Variants in ATRNL1 observed in about 807,000 individuals in gnomAD.
ATRNL1 encodes the protein attractin like 1.
Under a neutral mutation model 182.7 loss-of-function variants are expected in ATRNL1, and 95 were observed. The observed-to-expected ratio is 0.52, with a 90% CI of 0.44 to 0.62. The LOEUF (loss-of-function observed/expected upper bound fraction) is 0.62, where lower values mean the gene tolerates loss of function less well. ATRNL1 is among the 20% of genes least tolerant of loss of function. ATRNL1 has a pLI of 0.00. For synonymous variants in ATRNL1, 576 were observed against 568.3 expected, an observed-to-expected ratio of 1.01 and a Z score of -0.19; for missense variants, 1,471 against 1,679.5, an observed-to-expected ratio of 0.88 and a Z score of 2.17.
chr10:115,640,050 T>C (rs980146404), intron 26 of ATRNL1, among the ~76,000 whole-genome samples: 1 of 152,118 alleles, frequency 6.6e-6, no homozygotes, highest in Non-Finnish European at 1.5e-5. Flanking sequence ...TTTCTTTTCC[T>C]GTGTTTGCTG....
In ATRNL1 at chr10:115,328,009, C is replaced by T. The variant is rs539450716; in HGVS notation, c.3038-6273C>T. Among the ~76,000 whole-genome samples, 10 of 151,880 alleles carry T rather than the reference C, an allele frequency of 6.6e-5. No homozygotes were observed. In the East Asian group the frequency reaches 7.8e-4, roughly 12 times the overall value. On this transcript the variant is annotated intron_variant, in intron 18 of 28. Coordinates refer to ENST00000355044, the MANE Select transcript of ATRNL1 (RefSeq NM_207303.4). Reference sequence around the variant, plus strand: ...CTAGATGACGAGTTAGTGGGTGCAGCGCACCAGCATGGCACATGTATACAT... The same window carrying T: ...CTAGATGACGAGTTAGTGGGTGCAGTGCACCAGCATGGCACATGTATACAT...
chr10:115,313,306 A>G (rs782331971), intron 17 of ATRNL1, among the ~76,000 whole-genome samples: 4 of 150,986 alleles, frequency 2.6e-5, no homozygotes, highest in Non-Finnish European at 4.4e-5. Context: ...TGCTTTTTTC[A>G]TTTCTTTTTT....
rs1029977021 is a variant in ATRNL1 at position 115,477,785 on chromosome 10, G to C, written c.3654+8456G>C. Among the ~76,000 whole-genome samples, 3 of 151,474 alleles carry C rather than the reference G, an allele frequency of 2.0e-5. No individual in the cohort carries two copies. In the East Asian group the frequency reaches 5.8e-4, roughly 30 times the overall value. ...CTGAAATCAGCATTTCCTTATTCTA[G>C]GAAAATAATATGACTATAAAATAAT... is the stretch of plus-strand genomic sequence containing the variant. On this transcript the variant is annotated intron_variant, in intron 24 of 28. Coordinates refer to ENST00000355044, the MANE Select transcript of ATRNL1 (RefSeq NM_207303.4).
At chr10:115,527,975 TCCCTCCCTCCCTCCCTCCCTC>T (rs1554987102) in intron 25 of ATRNL1, among the ~76,000 whole-genome samples, 60 of 16,258 alleles carry the variant, frequency 3.7e-3, no homozygotes, top group African/African-American at 0.02. Flanking sequence ...CCTCCCTCCT[TCCCTCCCTCCCTCCCTCCCTC>T]CCTTCCTTCC....
intron 26 of ATRNL1, among the ~76,000 whole-genome samples, chr10:115,612,731 A>G (rs1857230392): frequency 2.0e-5 from 3 of 152,126 alleles, no homozygotes; most frequent in Admixed American, 2.0e-4. Context: ...CAAGTAAGAG[A>G]CTTTCAGATG....
chr10:115,372,387 A>G lies in ATRNL1; in HGVS notation c.3176-22272A>G, dbSNP rs184985794. Among the ~76,000 whole-genome samples, 11 of 151,902 alleles carry G rather than the reference A, an allele frequency of 7.2e-5. No homozygotes were observed. In the East Asian group the frequency reaches 1.9e-3, roughly 27 times the overall value. On this transcript the variant is annotated intron_variant, in intron 19 of 28. Coordinates refer to ENST00000355044, the MANE Select transcript of ATRNL1 (RefSeq NM_207303.4). ...TAATTGGAAACAATCCCATTTGTCT[A>G]TATTTTTTTTGTCTATTTTTAAGCT...
intron 8 of ATRNL1, among the ~76,000 whole-genome samples, chr10:115,182,597 G>A (rs1397216887): frequency 1.3e-5 from 2 of 151,484 alleles, no homozygotes; most frequent in Admixed American, 6.6e-5. Flanking sequence ...CCAAATCTAT[G>A]CTTGATTTAG....
intron 8 of ATRNL1, among the ~76,000 whole-genome samples, chr10:115,214,326 ATAG>A (rs1417709102): frequency 1.3e-5 from 2 of 151,166 alleles, no homozygotes; most frequent in Non-Finnish European, 2.9e-5. Context: ...ATATATATAT[ATAG>A]TTAAGTGGTT....
intron 26 of ATRNL1, among the ~76,000 whole-genome samples, chr10:115,636,328 CAG>C (rs1555028131): frequency 6.6e-6 from 1 of 152,164 alleles, no homozygotes. Flanking sequence ...CCCTATCTCA[CAG>C]AGAGACATCC....
intron 25 of ATRNL1, among the ~76,000 whole-genome samples, chr10:115,547,514 A>G (rs1175281997): frequency 1.2e-4 from 19 of 152,052 alleles, no homozygotes; most frequent in Admixed American, 1.2e-3. Flanking sequence ...AATCATTTAA[A>G]TTGAGGTCGT....
chr10:115,662,123 G>A (rs1349414108), intron 26 of ATRNL1, among the ~76,000 whole-genome samples: 1 of 151,606 alleles, frequency 6.6e-6, no homozygotes, highest in Non-Finnish European at 1.5e-5. Context: ...ATTTTTTATG[G>A]CTGCATAGTA....
chr10:115,424,771 G>A (rs587603), intron 20 of ATRNL1, among the ~76,000 whole-genome samples: 57,822 of 151,856 alleles, frequency 0.38, 12,191 homozygotes, highest in African/African-American at 0.57. Flanking sequence ...AATTGTGGTT[G>A]TGAGAAGCTG....
At chr10:115,482,895 C>G (rs909283823) in intron 24 of ATRNL1, among the ~76,000 whole-genome samples, 3 of 151,132 alleles carry the variant, frequency 2.0e-5, no homozygotes, top group Non-Finnish European at 4.5e-5. Flanking sequence ...TTGAATAATT[C>G]GTTTACATAT....
chr10:115,607,517 C>T (rs1555017914), intron 26 of ATRNL1, among the ~76,000 whole-genome samples: 1 of 151,680 alleles, frequency 6.6e-6, no homozygotes, highest in African/African-American at 2.4e-5. Flanking sequence ...TATTTTTGCC[C>T]TAATACCAAT....
chr10:115,809,139 C>T (rs1361957613), intron 27 of ATRNL1, among the ~76,000 whole-genome samples: 1 of 151,996 alleles, frequency 6.6e-6, no homozygotes, highest in Non-Finnish European at 1.5e-5. Context: ...AATCAATCAA[C>T]TATATATGTA....
At chr10:115,391,385 A>G (rs1327515275) in intron 19 of ATRNL1, among the ~76,000 whole-genome samples, 1 of 152,122 alleles carries the variant, frequency 6.6e-6, no homozygotes, top group Admixed American at 6.6e-5. Flanking sequence ...CTAGTCTGGT[A>G]GTGGGATGGG....
At chr10:115,364,496 T>C (rs113196043) in intron 19 of ATRNL1, among the ~76,000 whole-genome samples, 4 of 147,808 alleles carry the variant, frequency 2.7e-5, no homozygotes, top group African/African-American at 7.6e-5. Context: ...CTTTTCCTAA[T>C]TGAATACCCT....
intron 25 of ATRNL1, among the ~76,000 whole-genome samples, chr10:115,539,151 T>C (rs555889291): frequency 6.2e-4 from 95 of 152,356 alleles, no homozygotes; most frequent in African/African-American, 2.2e-3. Context: ...TATTTTTACA[T>C]TGTACCTTTA....
intron 27 of ATRNL1, among the ~76,000 whole-genome samples, chr10:115,762,651 C>A (rs1040991838): frequency 1.3e-5 from 2 of 151,898 alleles, no homozygotes; most frequent in Non-Finnish European, 2.9e-5. Flanking sequence ...AACTAACCTC[C>A]CATAAATAGT....
Sources: gnomAD v4.1 joint callset for allele counts (sites outside exome capture counted in the v4.1 genomes callset) on GRCh38, gnomAD v4.1.1 for gene constraint, MANE v1.5 for transcripts, NCBI Gene and HGNC (gene_info 2026-07-23, HGNC 2026-07-21) for gene names.